The following BRINP1 variants were observed in gnomAD, a reference collection of about 807,000 sequenced individuals.
The protein encoded by BRINP1 is BMP/retinoic acid-inducible neural-specific protein 1.
In BRINP1, 17 loss-of-function variants were observed where a neutral mutation model predicts 72.9. The ratio of observed to expected loss-of-function variants is 0.23; its 90% CI spans 0.16 to 0.35. BRINP1 has a LOEUF of 0.35. Among genes scored for constraint, BRINP1 ranks in the 10% least tolerant of loss-of-function variants. The pLI, the probability that BRINP1 is intolerant of heterozygous loss-of-function variation, is 1.00. For missense variants in BRINP1, 850 were observed against 1,001.6 expected (o/e 0.85, Z 2.04); for synonymous variants, 418 against 378.5 (o/e 1.10, Z -1.21).
intron 2 of BRINP1, among the ~76,000 whole-genome samples, chr9:119,257,991 A>G (rs1302031169): frequency 6.6e-6 from 1 of 152,194 alleles, no homozygotes; most frequent in Non-Finnish European, 1.5e-5. Context: ...AAGTAGAAAA[A>G]AAGAAGAAGA....
intron 7 of BRINP1, among the ~76,000 whole-genome samples, chr9:119,169,755 T>G (rs1407263476): frequency 4.6e-5 from 7 of 152,238 alleles, no homozygotes; most frequent in Non-Finnish European, 1.0e-4. Context: ...AAGAGAGCAG[T>G]GGTTCTCCCA....
At chr9:119,317,001 G>A (rs1018409357) in intron 1 of BRINP1, among the ~76,000 whole-genome samples, 2 of 150,430 alleles carry the variant, frequency 1.3e-5, no homozygotes, top group Admixed American at 1.3e-4. Flanking sequence ...TGAGCCAGGA[G>A]AATCGCTTGA....
intron 2 of BRINP1, among the ~76,000 whole-genome samples, chr9:119,275,474 A>G (rs1830647662): frequency 6.6e-6 from 1 of 152,140 alleles, no homozygotes; most frequent in Admixed American, 6.5e-5. Context: ...GTCCAATAGG[A>G]CTATATAGGT....
intron 7 of BRINP1, among the ~76,000 whole-genome samples, chr9:119,201,532 A>C (rs1829805281): frequency 6.6e-6 from 1 of 152,196 alleles, no homozygotes; most frequent in Non-Finnish European, 1.5e-5. Flanking sequence ...GCTCTCGTTT[A>C]AGGTGAGGTA....
chr9:119,341,629 G>T (rs1294467033), intron 1 of BRINP1, among the ~76,000 whole-genome samples: 2 of 152,134 alleles, frequency 1.3e-5, no homozygotes, highest in African/African-American at 4.8e-5. Flanking sequence ...TGTAGGCAAA[G>T]GTAAGTGTTC....
intron 1 of BRINP1, among the ~76,000 whole-genome samples, chr9:119,361,906 C>T (rs1030531323): frequency 1.3e-5 from 2 of 149,384 alleles, no homozygotes; most frequent in Non-Finnish European, 3.0e-5. Flanking sequence ...CGGGTTCAAG[C>T]GATTCTCCTG....
At chr9:119,260,783 A>C (rs1425517479) in intron 2 of BRINP1, among the ~76,000 whole-genome samples, 1 of 152,196 alleles carries the variant, frequency 6.6e-6, no homozygotes, top group Non-Finnish European at 1.5e-5. Flanking sequence ...ATGATTAAAC[A>C]AGGTAATTGA....
At chr9:119,313,674 T>C (rs1831093015) in intron 1 of BRINP1, among the ~76,000 whole-genome samples, 2 of 152,180 alleles carry the variant, frequency 1.3e-5, no homozygotes, top group African/African-American at 4.8e-5. Flanking sequence ...CTGTTTGGTC[T>C]ATTATGGATG....
intron 1 of BRINP1, among the ~76,000 whole-genome samples, chr9:119,324,696 C>G (rs1831220300): frequency 6.6e-6 from 1 of 152,132 alleles, no homozygotes; most frequent in Non-Finnish European, 1.5e-5. Context: ...GAGATATTAG[C>G]TAGTAAAGTT....
chr9:119,330,872 A>G (rs1831293562), intron 1 of BRINP1, among the ~76,000 whole-genome samples: 1 of 151,994 alleles, frequency 6.6e-6, no homozygotes, highest in African/African-American at 2.4e-5. Flanking sequence ...CTAAAAATAC[A>G]AAAAATCAGC....
At chr9:119,367,009 A>T (rs548562286) in intron 1 of BRINP1, among the ~76,000 whole-genome samples, 2 of 151,776 alleles carry the variant, frequency 1.3e-5, no homozygotes, top group Admixed American at 6.6e-5. Flanking sequence ...TAATCCAGGG[A>T]GCTCTGCCCT....
chr9:119,232,206 C>T (rs1474196458), intron 5 of BRINP1, among the ~76,000 whole-genome samples: 2 of 152,126 alleles, frequency 1.3e-5, no homozygotes, highest in Non-Finnish European at 2.9e-5. Flanking sequence ...CAAATCATGT[C>T]AGGCTAACCT....
chr9:119,228,477 G>A (rs1414517785), intron 5 of BRINP1, among the ~76,000 whole-genome samples: 1 of 141,866 alleles, frequency 7.0e-6, no homozygotes, highest in Non-Finnish European at 1.6e-5. Context: ...TGCAAGGTGA[G>A]TAAAATAAAA....
chr9:119,317,539 A>C (rs566006255), intron 1 of BRINP1, among the ~76,000 whole-genome samples: 1 of 152,348 alleles, frequency 6.6e-6, no homozygotes, highest in African/African-American at 2.4e-5. Context: ...TGAAACGACA[A>C]CAAAGGATTT....
At chr9:119,307,662 A>G (rs1426722368) in intron 2 of BRINP1, among the ~76,000 whole-genome samples, 1 of 152,250 alleles carries the variant, frequency 6.6e-6, no homozygotes, top group African/African-American at 2.4e-5. Context: ...GCTCTGACGT[A>G]GGCTGGAATC....
chr9:119,299,829 C>T lies in BRINP1; in HGVS notation c.218+13309G>A, dbSNP rs566889305. Among the ~76,000 whole-genome samples the T allele has an allele frequency of 2.6e-5, 4 of 152,252 alleles. No individual in the cohort carries two copies. In the South Asian group the frequency reaches 6.2e-4, roughly 24 times the overall value. ...GACTCAAGTTGACTCCATATCTTGG[C>T]TATTGCGAAAAATATTTCCCTGAAT... On this transcript the variant is annotated intron_variant, in intron 2 of 7. Transcript: ENST00000265922.
At chr9:119,218,381 G>A (rs2118882073) in intron 5 of BRINP1, among the ~76,000 whole-genome samples, 1 of 151,944 alleles carries the variant, frequency 6.6e-6, no homozygotes, top group Non-Finnish European at 1.5e-5. Flanking sequence ...TTGACCTCAT[G>A]ATCCACTTGC....
intron 2 of BRINP1, among the ~76,000 whole-genome samples, chr9:119,265,044 T>A (rs1056366953): frequency 6.6e-5 from 10 of 152,142 alleles, no homozygotes; most frequent in African/African-American, 2.4e-4. Context: ...TTATGCTCCA[T>A]CCAAATGTAC....
intron 2 of BRINP1, among the ~76,000 whole-genome samples, chr9:119,280,807 A>G (rs1348217006): frequency 6.6e-6 from 1 of 152,234 alleles, no homozygotes; most frequent in Non-Finnish European, 1.5e-5. Context: ...ACAAAGCAAC[A>G]TTAAATAATT....
Sources: allele counts gnomAD v4.1 joint callset (sites outside exome capture counted in the v4.1 genomes callset), GRCh38; gene constraint gnomAD v4.1.1; transcripts MANE v1.5; gene names NCBI Gene and HGNC (gene_info 2026-07-23, HGNC 2026-07-21).